Variants in YEATS2 observed in about 807,000 individuals in gnomAD.
The protein encoded by YEATS2 is YEATS domain containing 2, also known as YEATS domain-containing protein 2.
YEATS2 carries 77 observed loss-of-function variants against 163.2 expected under a neutral mutation model. That is an observed-to-expected ratio of 0.47 (90% CI 0.39 to 0.57). The LOEUF is 0.57. Among genes scored for constraint, YEATS2 ranks in the 20% least tolerant of loss-of-function variants. YEATS2 has a pLI of 0.00. For missense variants in YEATS2, 1,549 were observed against 1,729.8 expected (o/e 0.90, Z 1.85); for synonymous variants, 631 against 645.1 (o/e 0.98, Z 0.33).
intron 7 of YEATS2, among the ~76,000 whole-genome samples, chr3:183,735,156 A>C (rs183498306): frequency 1.3e-5 from 2 of 152,274 alleles, no homozygotes; most frequent in African/African-American, 4.8e-5. Flanking sequence ...AAACATACCT[A>C]ATTTATCATA....
chr3:183,754,108 C>A lies in YEATS2; in HGVS notation c.1151-18C>A. The A allele has an allele frequency of 6.6e-7, 1 of 1,520,504 alleles. No individual in the cohort carries two copies. The highest frequency in any genetic ancestry group is 8.9e-7 in the Non-Finnish European group (1 of 1,127,296). 94.2% of individuals were successfully genotyped at this position (1,520,504 alleles called of 1,614,324 possible). A position where few individuals can be genotyped will look rare whatever the true frequency, so the allele number is the denominator to read the frequency against. The stretch of plus-strand genomic sequence containing the variant: ...AAGCGATTGATGACTTGCCGTTTGC[C>A]TCTTTCATCTCAAGCAGGATTCCCA... On this transcript the variant is annotated intron_variant, in intron 10 of 30. Transcript: ENST00000305135.
rs371326529 is a variant in YEATS2 at position 183,773,775 on chromosome 3, G to T, written c.2349G>T (p.Leu783=). Residue 783 remains leucine, a synonymous_variant, in exon 17 of 31, where the codon CTG becomes CTT. Coordinates refer to ENST00000305135, the MANE Select transcript of YEATS2 (RefSeq NM_018023.5). ...TGCTGATCCCTCAAGGAGCCATCCT[G>T]CGAGCTACGAACAATGCTAGTTAGT... ...KLLLIPQGAI[L]RATNNANLQS... 1 of 1,608,532 alleles carries T rather than the reference G, an allele frequency of 6.2e-7. No homozygotes were observed. The highest frequency in any genetic ancestry group is 1.3e-5 in the African/African-American group (1 of 74,578).
In YEATS2 at chr3:183,707,059, T is replaced by C. The variant is rs1419151810; in HGVS notation, c.-19-8085T>C. Reference sequence around the variant, plus strand: ...ATTTATGAAGCGTAAATGAATTTCATGTTTAGATTTGGGTTCCTTCCCAAA... The same window carrying C: ...ATTTATGAAGCGTAAATGAATTTCACGTTTAGATTTGGGTTCCTTCCCAAA... On this transcript the variant is annotated intron_variant, in intron 1 of 30. Coordinates refer to ENST00000305135, the MANE Select transcript of YEATS2 (RefSeq NM_018023.5). Among the ~76,000 whole-genome samples the C allele has an allele frequency of 8.5e-5, 13 of 152,252 alleles. 1 individual carries two copies. The highest frequency in any genetic ancestry group is 2.9e-5 in the Non-Finnish European group (2 of 68,050).
intron 12 of YEATS2, among the ~76,000 whole-genome samples, chr3:183,757,828 T>C (rs565420180): frequency 6.6e-6 from 1 of 152,024 alleles, no homozygotes; most frequent in African/African-American, 2.4e-5. Flanking sequence ...TGGAATGCCC[T>C]TAAAAATTAC....
chr3:183,744,790 C>A (rs1042354058), intron 8 of YEATS2, among the ~76,000 whole-genome samples: 2 of 152,056 alleles, frequency 1.3e-5, no homozygotes, highest in Non-Finnish European at 2.9e-5. Flanking sequence ...TAGTTGCAGA[C>A]CATCATTCTT....
At chr3:183,755,238 C>G (rs1304440509) in intron 11 of YEATS2, among the ~76,000 whole-genome samples, 2 of 152,118 alleles carry the variant, frequency 1.3e-5, no homozygotes, top group Non-Finnish European at 2.9e-5. Flanking sequence ...CTGGCTCAGC[C>G]TCCCAAGTAG....
intron 15 of YEATS2, among the ~76,000 whole-genome samples, chr3:183,768,897 A>G (rs144890141): frequency 0.028 from 4,292 of 152,268 alleles, 208 homozygotes; most frequent in African/African-American, 0.097. Context: ...GCTTGAACCC[A>G]GGAGGCGGAG....
chr3:183,777,460 T>C, intron 18 of YEATS2, 82 bp from the exon 19 acceptor site: 1 of 1,446,236 alleles, frequency 6.9e-7, no homozygotes, highest in Non-Finnish European at 9.4e-7. Flanking sequence ...CATGGGACGT[T>C]ACATGTGATT....
intron 20 of YEATS2, 131 bp from the exon 21 acceptor site, chr3:183,790,666 G>A (rs1396926390): frequency 4.3e-6 from 4 of 921,480 alleles, no homozygotes; most frequent in South Asian, 1.8e-5. Context: ...TAAATGGTAT[G>A]GCATTTACTA....
chr3:183,778,864 A>C (rs1433256532), intron 19 of YEATS2, among the ~76,000 whole-genome samples: 1 of 152,060 alleles, frequency 6.6e-6, no homozygotes, highest in African/African-American at 2.4e-5. Context: ...GAGTTTTCCT[A>C]ATTGAGAAGG....
At chr3:183,737,661 C>T (rs941950144) in intron 8 of YEATS2, among the ~76,000 whole-genome samples, 1 of 152,164 alleles carries the variant, frequency 6.6e-6, no homozygotes, top group Non-Finnish European at 1.5e-5. Flanking sequence ...TGATAAAGTA[C>T]TATACAAGAT....
At chr3:183,774,768 G>A (rs567980905) in intron 17 of YEATS2, among the ~76,000 whole-genome samples, 1 of 152,338 alleles carries the variant, frequency 6.6e-6, no homozygotes, top group East Asian at 1.9e-4. Flanking sequence ...AAAATGCAGT[G>A]TGTCAGCTCA....
rs1274850796 is a variant in YEATS2 at position 183,752,238 on chromosome 3, A to G, written c.1135A>G (p.Thr379Ala). ...IKQSHEPVPDTSVEKGFPAST... is the reference protein window; with the variant it reads ...IKQSHEPVPDASVEKGFPAST... The stretch of plus-strand genomic sequence containing the variant: ...GCAGTCACATGAGCCAGTACCCGAT[A>G]CCTCTGTGGAGAAAGGTAATACAGC... Residue 379 changes from threonine (T) to alanine (A), a missense_variant, in exon 10 of 31, where the codon ACC (threonine) becomes GCC (alanine). Thr to Ala is a moderately conservative substitution (Grantham distance 58). Transcript: ENST00000305135. The G allele has an allele frequency of 1.9e-6, 3 of 1,613,960 alleles. No individual in the cohort carries two copies. The highest frequency in any genetic ancestry group is 1.1e-5 in the South Asian group (1 of 91,070).
intron 15 of YEATS2, among the ~76,000 whole-genome samples, chr3:183,769,452 A>T (rs1722233079): frequency 6.6e-6 from 1 of 152,216 alleles, no homozygotes; most frequent in South Asian, 2.1e-4. Context: ...AACAGCTGTC[A>T]TGTTAGCTAG....
chr3:183,803,980 T>G lies in YEATS2; in HGVS notation c.3583-7T>G, dbSNP rs748611312. On this transcript the variant is annotated splice_polypyrimidine_tract_variant and splice_region_variant and intron_variant, in intron 26 of 30. Coordinates refer to ENST00000305135, the MANE Select transcript of YEATS2 (RefSeq NM_018023.5). ...TTATGGTTCCAAAAGAAAATTTTTT[T>G]TTTAAGTGGCAAAGAGCAATGACAA... 8 of 1,613,414 alleles carry G rather than the reference T, an allele frequency of 5.0e-6. No homozygotes were observed. The South Asian group carries it at 8.8e-5, about 18-fold the overall frequency.
intron 4 of YEATS2, among the ~76,000 whole-genome samples, chr3:183,719,799 A>T (rs183169408): frequency 7.2e-5 from 11 of 151,864 alleles, no homozygotes; most frequent in African/African-American, 2.7e-4. Flanking sequence ...ATAGCCTCCA[A>T]CTCCTGGGCT....
At chr3:183,765,587 G>C (rs1362350652) in intron 15 of YEATS2, among the ~76,000 whole-genome samples, 1 of 152,202 alleles carries the variant, frequency 6.6e-6, no homozygotes, top group Non-Finnish European at 1.5e-5. Context: ...ATTAGCAGTT[G>C]AGATAAGGAG....
At chr3:183,775,311 C>T (rs767955205) in intron 17 of YEATS2, among the ~76,000 whole-genome samples, 14 of 152,152 alleles carry the variant, frequency 9.2e-5, no homozygotes, top group Non-Finnish European at 1.8e-4. Flanking sequence ...AAATACTTGG[C>T]TAGAGGCTGG....
chr3:183,726,085 GT>G (rs1264249459), intron 6 of YEATS2, among the ~76,000 whole-genome samples: 5 of 151,914 alleles, frequency 3.3e-5, no homozygotes, highest in Admixed American at 6.6e-5. Context: ...CTCAGGGAAT[GT>G]TTTTTCAAGC....
Sources: gnomAD v4.1 joint callset for allele counts (sites outside exome capture counted in the v4.1 genomes callset) on GRCh38, gnomAD v4.1.1 for gene constraint, MANE v1.5 for transcripts, NCBI Gene and HGNC (gene_info 2026-07-23, HGNC 2026-07-21) for gene names.